The following CACNA2D3 variants were observed in gnomAD, a reference collection of about 807,000 sequenced individuals.
CACNA2D3 encodes calcium voltage-gated channel auxiliary subunit alpha2delta 3.
In CACNA2D3, 60 loss-of-function variants were observed where a neutral mutation model predicts 160.6. The observed-to-expected ratio is 0.37, with a 90% CI of 0.30 to 0.46. CACNA2D3 has a LOEUF of 0.46. CACNA2D3 is among the 20% of genes least tolerant of loss of function. The probability of loss-of-function intolerance (pLI) is 1.00; values close to 1 mark genes in which losing one functional copy is unlikely to be tolerated. For synonymous variants in CACNA2D3, 558 were observed against 492.9 expected, an observed-to-expected ratio of 1.13 and a Z score of -1.75; for missense variants, 1,205 against 1,365.0, an observed-to-expected ratio of 0.88 and a Z score of 1.85.
rs1403694000 is a variant in CACNA2D3 at position 54,529,813 on chromosome 3, T to C, written c.544+26159T>C. On this transcript the variant is annotated intron_variant, in intron 5 of 37. Coordinates refer to ENST00000474759, the MANE Select transcript of CACNA2D3 (RefSeq NM_018398.3). The stretch of plus-strand genomic sequence containing the variant: ...ATCCAGTTTGGGATGTTAAGTGATA[T>C]AATTTTTTTATTGCTTTACTTTGGA... 3.3e-5 allele frequency among the ~76,000 whole-genome samples: 5 copies of C among 152,228 alleles called. No homozygotes were observed. In the East Asian group the frequency reaches 9.6e-4, roughly 29 times the overall value.
At chr3:54,557,955 A>G (rs1702265172) in intron 5 of CACNA2D3, among the ~76,000 whole-genome samples, 1 of 152,184 alleles carries the variant, frequency 6.6e-6, no homozygotes, top group Admixed American at 6.5e-5. Context: ...CAGAGGTGAC[A>G]CAACAAGCCA....
intron 3 of CACNA2D3, among the ~76,000 whole-genome samples, chr3:54,351,471 C>G (rs1356955497): frequency 3.3e-5 from 5 of 152,152 alleles, no homozygotes; most frequent in African/African-American, 1.2e-4. Context: ...GCTCAAAGCC[C>G]TTCATCTAAC....
intron 4 of CACNA2D3, among the ~76,000 whole-genome samples, chr3:54,456,745 G>A (rs1188829704): frequency 6.6e-6 from 1 of 151,848 alleles, no homozygotes; most frequent in Non-Finnish European, 1.5e-5. Flanking sequence ...TTTCTTTATT[G>A]GGAGGTTTTT....
intron 13 of CACNA2D3, among the ~76,000 whole-genome samples, chr3:54,789,088 A>G (rs1164526670): frequency 6.6e-6 from 1 of 152,194 alleles, no homozygotes; most frequent in Non-Finnish European, 1.5e-5. Flanking sequence ...ACACATAACT[A>G]TATGTCAAGA....
chr3:54,401,889 A>C (rs750279862), intron 4 of CACNA2D3, among the ~76,000 whole-genome samples: 2 of 152,214 alleles, frequency 1.3e-5, no homozygotes, highest in Non-Finnish European at 2.9e-5. Flanking sequence ...ATATATCTCT[A>C]GTATAAAGGT....
chr3:54,344,118 T>C (rs1698413364), intron 3 of CACNA2D3, among the ~76,000 whole-genome samples: 1 of 152,138 alleles, frequency 6.6e-6, no homozygotes, highest in African/African-American at 2.4e-5. Flanking sequence ...TAATAGAATA[T>C]TACAGTCTAC....
intron 2 of CACNA2D3, among the ~76,000 whole-genome samples, chr3:54,140,073 G>A (rs1699894962): frequency 6.6e-6 from 1 of 152,174 alleles, no homozygotes. Context: ...ACTGTCATGA[G>A]GATTAAATTG....
intron 2 of CACNA2D3, among the ~76,000 whole-genome samples, chr3:54,232,519 C>T (rs1559890231): frequency 6.6e-6 from 1 of 152,110 alleles, no homozygotes; most frequent in Admixed American, 6.5e-5. Context: ...CAAAAGGAAA[C>T]GTTACAAGCG....
At chr3:54,788,846 G>A (rs1210082135) in intron 13 of CACNA2D3, among the ~76,000 whole-genome samples, 13 of 152,106 alleles carry the variant, frequency 8.5e-5, no homozygotes, top group Admixed American at 8.5e-4. Flanking sequence ...GACTCAGTGG[G>A]TTGAATTTGC....
At chr3:54,338,044 C>T (rs59965289) in intron 3 of CACNA2D3, among the ~76,000 whole-genome samples, 47,251 of 152,050 alleles carry the variant, frequency 0.31, 7,955 homozygotes, top group South Asian at 0.42. Context: ...GAGTGCTCCC[C>T]GAGGACAGAC....
At chr3:54,621,504 T>C (rs1012096299) in intron 9 of CACNA2D3, among the ~76,000 whole-genome samples, 3 of 152,224 alleles carry the variant, frequency 2.0e-5, no homozygotes, top group Non-Finnish European at 4.4e-5. Context: ...CGTGAGTCGC[T>C]TGAAGCAAAG....
At chr3:54,245,481 C>T (rs1228177722) in intron 2 of CACNA2D3, among the ~76,000 whole-genome samples, 1 of 152,134 alleles carries the variant, frequency 6.6e-6, no homozygotes, top group Non-Finnish European at 1.5e-5. Context: ...GGCTTTTGAC[C>T]TAAGGCCAGG....
chr3:54,725,616 A>G lies in CACNA2D3; in HGVS notation c.1168-26983A>G, dbSNP rs186722423. Among the ~76,000 whole-genome samples the G allele has an allele frequency of 5.9e-5, 9 of 152,328 alleles. No individual in the cohort carries two copies. In the East Asian group the frequency reaches 1.7e-3, roughly 29 times the overall value. On this transcript the variant is annotated intron_variant, in intron 11 of 37. Coordinates refer to ENST00000474759, the MANE Select transcript of CACNA2D3 (RefSeq NM_018398.3). ...ATGCAAGGTTGGTTCAACATATGCA[A>G]ATCAAGAAATGGGATCCATCACAAA...
Position 55,073,527 on chromosome 3 carries a change from C to G in CACNA2D3, c.3070C>G (p.Pro1024Ala). The change falls in exon 36 of 38, where the codon CCC (proline) becomes GCC (alanine). Residue 1024 changes from proline to alanine, a missense_variant. Around this residue, in one of 3 missense-constraint regions of CACNA2D3, gnomAD observed 911 missense variants for 1,002.2 expected, o/e 0.91. Coordinates refer to ENST00000474759, the MANE Select transcript of CACNA2D3 (RefSeq NM_018398.3). ...DSSCLCESVAPITMAPIEIRY... is the reference protein window; with the variant it reads ...DSSCLCESVAAITMAPIEIRY... ...CAGCTGCCTCTGTGAATCTGTGGCC[C>G]CCATCACCATGGCACCCATTGAAAT... is the stretch of plus-strand genomic sequence containing the variant. 6.2e-7 allele frequency: 1 copy of G among 1,613,768 alleles called. No individual in the cohort carries two copies. Among genetic ancestry groups the G allele is most frequent in the Non-Finnish European group, 8.5e-7 (1 of 1,179,798 alleles).
chr3:54,554,374 C>T (rs1575342442), intron 5 of CACNA2D3, among the ~76,000 whole-genome samples: 3 of 152,306 alleles, frequency 2.0e-5, no homozygotes, highest in South Asian at 2.1e-4. Context: ...AGTAGGTACT[C>T]AATCAATATT....
At chr3:54,341,526 C>G (rs951456356) in intron 3 of CACNA2D3, among the ~76,000 whole-genome samples, 2 of 152,180 alleles carry the variant, frequency 1.3e-5, no homozygotes, top group Non-Finnish European at 2.9e-5. Flanking sequence ...GTTGGTTCAC[C>G]CTGGCATCTG....
At chr3:54,404,660 G>A (rs527783470) in intron 4 of CACNA2D3, among the ~76,000 whole-genome samples, 1 of 152,030 alleles carries the variant, frequency 6.6e-6, no homozygotes, top group Admixed American at 6.6e-5. Flanking sequence ...GAAATAAAAA[G>A]CTTTCAGATG....
chr3:54,723,566 T>C (rs994131465), intron 11 of CACNA2D3, among the ~76,000 whole-genome samples: 6 of 152,192 alleles, frequency 3.9e-5, no homozygotes, highest in African/African-American at 9.6e-5. Context: ...GTGAAAATCA[T>C]AGGACAAGCA....
chr3:54,984,688 A>G lies in CACNA2D3; in HGVS notation c.2619+18A>G, dbSNP rs1273519816. ...ACACACAGGTGAGTGAAAATTTTCT[A>G]CCAGCTCCAAGTAAGGATCTCAGAA... On this transcript the variant is annotated intron_variant, in intron 30 of 37. Transcript: ENST00000474759. 44 of 1,504,818 alleles carry G rather than the reference A, an allele frequency of 2.9e-5. No individual in the cohort carries two copies. The highest frequency in any genetic ancestry group is 8.3e-5 in the African/African-American group (6 of 71,900). The allele number at this position is 1,504,818 out of a possible 1,614,324, so 93.2% of individuals were successfully genotyped here. A position where few individuals can be genotyped will look rare whatever the true frequency, so the allele number is the denominator to read the frequency against.
Sources: gnomAD v4.1 joint callset for allele counts (sites outside exome capture counted in the v4.1 genomes callset) on GRCh38, gnomAD v4.1.1 for gene constraint, gnomAD v4.1.1 regional missense constraint, MANE v1.5 for transcripts, NCBI Gene and HGNC (gene_info 2026-07-23, HGNC 2026-07-21) for gene names.